The following FHOD3 variants were observed in gnomAD, a reference collection of about 807,000 sequenced individuals.
FHOD3 encodes the protein FH1/FH2 domain-containing protein 3.
In FHOD3, 90 loss-of-function variants were observed where a neutral mutation model predicts 173.0. The observed-to-expected ratio is 0.52, with a 90% CI of 0.44 to 0.62. The LOEUF (loss-of-function observed/expected upper bound fraction) is 0.62. Among genes scored for constraint, FHOD3 ranks in the 20% least tolerant of loss-of-function variants. FHOD3 has a pLI of 0.00. For synonymous variants in FHOD3, 828 were observed against 823.0 expected (o/e 1.01, Z -0.10); for missense variants, 1,945 against 2,034.7 (o/e 0.96, Z 0.85).
At chr18:36,448,204 C>T (rs1485430851) in intron 3 of FHOD3, among the ~76,000 whole-genome samples, 2 of 152,020 alleles carry the variant, frequency 1.3e-5, no homozygotes, top group Non-Finnish European at 2.9e-5. Context: ...AGTGTGAGTA[C>T]ACTTGTGATA....
chr18:36,445,859 T>C (rs551963104), intron 3 of FHOD3, among the ~76,000 whole-genome samples: 3 of 152,322 alleles, frequency 2.0e-5, no homozygotes, highest in Admixed American at 6.5e-5. Context: ...AGGGTTATAG[T>C]TTCCTGGATC....
chr18:36,554,539 C>T (rs1276477660), intron 5 of FHOD3, among the ~76,000 whole-genome samples: 1 of 151,684 alleles, frequency 6.6e-6, no homozygotes, highest in East Asian at 1.9e-4. Flanking sequence ...ATGTTAATGA[C>T]GAGTTAATGG....
chr18:36,627,641 GAT>G (rs142501869), intron 10 of FHOD3, among the ~76,000 whole-genome samples: 9,052 of 152,228 alleles, frequency 0.059, 395 homozygotes, highest in Non-Finnish European at 0.086. Context: ...AAAGATAGGT[GAT>G]GTTTTATCTA....
At chr18:36,670,139 T>G (rs1315649975) in intron 14 of FHOD3, among the ~76,000 whole-genome samples, 1 of 152,084 alleles carries the variant, frequency 6.6e-6, no homozygotes, top group Non-Finnish European at 1.5e-5. Context: ...AACATATCAT[T>G]TTTTTCCTTT....
intron 14 of FHOD3, among the ~76,000 whole-genome samples, chr18:36,659,997 G>A (rs759315479): frequency 2.0e-5 from 3 of 152,116 alleles, no homozygotes; most frequent in Non-Finnish European, 2.9e-5. Flanking sequence ...GAGCCTGGGC[G>A]CGGTGGCTCA....
intron 19 of FHOD3, among the ~76,000 whole-genome samples, chr18:36,721,725 A>G (rs1487007924): frequency 3.3e-5 from 5 of 152,230 alleles, no homozygotes; most frequent in Non-Finnish European, 5.9e-5. Flanking sequence ...CTGTAGATAT[A>G]ACCAATTTCA....
chr18:36,302,146 T>G (rs1222654432), intron 1 of FHOD3, among the ~76,000 whole-genome samples: 2 of 152,356 alleles, frequency 1.3e-5, no homozygotes, highest in East Asian at 3.9e-4. Context: ...TCCACTTTTG[T>G]GTCCTGAATG....
intron 1 of FHOD3, among the ~76,000 whole-genome samples, chr18:36,323,226 A>T (rs563194586): frequency 6.6e-6 from 1 of 152,204 alleles, no homozygotes; most frequent in South Asian, 2.1e-4. Context: ...AGTCTCTGAC[A>T]GGGGAAGTTG....
chr18:36,431,814 G>A (rs955786672), intron 3 of FHOD3, among the ~76,000 whole-genome samples: 2 of 152,188 alleles, frequency 1.3e-5, no homozygotes, highest in Admixed American at 6.5e-5. Context: ...GAGTAACCAC[G>A]ACTGTTTGCA....
intron 15 of FHOD3, among the ~76,000 whole-genome samples, chr18:36,683,536 A>G (rs1355599195): frequency 1.3e-5 from 2 of 152,210 alleles, no homozygotes; most frequent in Non-Finnish European, 2.9e-5. Context: ...AAAACCAGTG[A>G]GAGTTTACCA....
intron 27 of FHOD3, among the ~76,000 whole-genome samples, chr18:36,761,272 C>A (rs183879699): frequency 6.6e-6 from 1 of 152,196 alleles, no homozygotes; most frequent in Non-Finnish European, 1.5e-5. Flanking sequence ...CCCTTTTTCA[C>A]ATCCTTAGGC....
At chr18:36,539,067 A>G (rs2057104003) in intron 5 of FHOD3, among the ~76,000 whole-genome samples, 1 of 152,260 alleles carries the variant, frequency 6.6e-6, no homozygotes, top group Non-Finnish European at 1.5e-5. Context: ...AAAAATCAGT[A>G]CGCATCTTAT....
intron 1 of FHOD3, among the ~76,000 whole-genome samples, chr18:36,354,063 T>C (rs1320913715): frequency 6.6e-6 from 1 of 152,212 alleles, no homozygotes; most frequent in Non-Finnish European, 1.5e-5. Flanking sequence ...TACTCAGTTA[T>C]GCAGCCAGAG....
chr18:36,572,765 G>A (rs1200606461), intron 5 of FHOD3, among the ~76,000 whole-genome samples: 4 of 152,160 alleles, frequency 2.6e-5, no homozygotes, highest in Non-Finnish European at 5.9e-5. Context: ...TCTCAGCCTT[G>A]TGGAGAGTCT....
chr18:36,349,731 C>A (rs2046032313), intron 1 of FHOD3, among the ~76,000 whole-genome samples: 1 of 152,168 alleles, frequency 6.6e-6, no homozygotes, highest in South Asian at 2.1e-4. Context: ...TGACATCAGC[C>A]TCCTTTGAGA....
In FHOD3 at chr18:36,653,401, C is replaced by G. The variant is rs1030345433; in HGVS notation, c.1706C>G (p.Ser569Cys). ...GCCTCTGAGCCTTACCACTTCCGAT[C>G]TTTCTCTTCTAATAGGTGGGTGTCT... ...YSASEPYHFR[S>C]FSSNRYSNFG... Residue 569 changes from serine (S) to cysteine (C), a missense_variant, in exon 13 of 29, where the codon TCT (serine) becomes TGT (cysteine). Physicochemically the swap from Ser to Cys is moderately radical, Grantham distance 112. Transcript: ENST00000590592. 5 of 1,532,840 alleles carry G rather than the reference C, an allele frequency of 3.3e-6. No homozygotes were observed. In the Admixed American group the frequency reaches 5.9e-5, roughly 18 times the overall value. 95.0% of individuals were successfully genotyped at this position (1,532,840 alleles called of 1,614,324 possible).
intron 3 of FHOD3, 39 bp from the exon 4 acceptor site, chr18:36,501,893 T>A (rs762186987): frequency 1.5e-6 from 2 of 1,367,624 alleles, no homozygotes; most frequent in South Asian, 2.6e-5. Context: ...GTCAATAGAG[T>A]CAGTTTAATT....
chr18:36,614,194 G>A lies in FHOD3; in HGVS notation c.957+2099G>A, dbSNP rs772342983. 1.1e-3 allele frequency among the ~76,000 whole-genome samples: 169 copies of A among 152,226 alleles called. 1 individual carries two copies. The highest frequency in any genetic ancestry group is 8.3e-4 in the South Asian group (4 of 4,820). On this transcript the variant is annotated intron_variant, in intron 9 of 28. Coordinates refer to ENST00000590592, the MANE Select transcript of FHOD3 (RefSeq NM_001281740.3). ...CCCTGTCCCCCATGGCCCCAAACCGGTAATCTACTTTCTCTCTCTATGGAT... is the reference window on the plus strand; with the variant it reads ...CCCTGTCCCCCATGGCCCCAAACCGATAATCTACTTTCTCTCTCTATGGAT...
intron 10 of FHOD3, among the ~76,000 whole-genome samples, chr18:36,638,493 A>G (rs891286402): frequency 6.6e-6 from 1 of 152,152 alleles, no homozygotes. Context: ...AAAGCTGCCT[A>G]TCTGCCTGCC....
Sources: gnomAD v4.1 joint callset for allele counts (sites outside exome capture counted in the v4.1 genomes callset) on GRCh38, gnomAD v4.1.1 for gene constraint, MANE v1.5 for transcripts, NCBI Gene and HGNC (gene_info 2026-07-23, HGNC 2026-07-21) for gene names.